Variants in SLCO5A1 observed in about 807,000 individuals in gnomAD.
The protein encoded by SLCO5A1 is solute carrier organic anion transporter family member 5A1.
SLCO5A1 carries 39 observed loss-of-function variants against 65.1 expected under a neutral mutation model. The observed-to-expected ratio is 0.60, with a 90% confidence interval of 0.46 to 0.78. The LOEUF is 0.78. Among genes scored for constraint, SLCO5A1 ranks in the 30% least tolerant of loss-of-function variants. SLCO5A1 has a pLI of 0.00. For synonymous variants in SLCO5A1, 438 were observed against 415.7 expected (o/e 1.05, Z -0.65); for missense variants, 1,029 against 1,069.4 (o/e 0.96, Z 0.53).
At position 69,670,580 on chromosome 8, in the gene SLCO5A1, G is replaced by T. The variant is rs1813302053; in HGVS notation, c.*2289C>A. On this transcript the variant is annotated 3_prime_UTR_variant, in exon 10 of 10. Coordinates refer to ENST00000260126, the MANE Select transcript of SLCO5A1 (RefSeq NM_030958.3). Reference sequence around the variant, plus strand: ...TTCAGGCCCATTTCTTTGAGTTCTGGCCCAATCATCCCAAAGGATTTTATG... The same window carrying T: ...TTCAGGCCCATTTCTTTGAGTTCTGTCCCAATCATCCCAAAGGATTTTATG... The T allele has an allele frequency of 6.6e-6, 1 of 152,150 alleles. No homozygotes were observed. The highest frequency in any genetic ancestry group is 1.5e-5 in the Non-Finnish European group (1 of 68,046). The allele number at this position is 152,150 out of a possible 1,614,324, so 9.4% of individuals were successfully genotyped here. A position where few individuals can be genotyped will look rare whatever the true frequency, so the allele number is the denominator to read the frequency against.
intron 5 of SLCO5A1, among the ~76,000 whole-genome samples, chr8:69,712,733 C>T (rs1287186313): frequency 2.0e-5 from 3 of 152,166 alleles, no homozygotes; most frequent in African/African-American, 7.2e-5. Flanking sequence ...TCTATATTTT[C>T]AGTATCCTCC....
intron 2 of SLCO5A1, among the ~76,000 whole-genome samples, chr8:69,826,059 G>A (rs1820896015): frequency 6.6e-6 from 1 of 152,200 alleles, no homozygotes; most frequent in African/African-American, 2.4e-5. Context: ...AATGGTGCTG[G>A]GAAAACTGGC....
intron 5 of SLCO5A1, among the ~76,000 whole-genome samples, chr8:69,735,803 C>T (rs757695223): frequency 8.1e-4 from 124 of 152,260 alleles, no homozygotes; most frequent in Non-Finnish European, 1.6e-3. Flanking sequence ...GCACATACTG[C>T]ACATGTATCC....
At chr8:69,701,814 T>C (rs1365781766) in intron 6 of SLCO5A1, among the ~76,000 whole-genome samples, 1 of 152,228 alleles carries the variant, frequency 6.6e-6, no homozygotes, top group Admixed American at 6.5e-5. Flanking sequence ...GCCATAGTCA[T>C]TCATATTTGG....
chr8:69,824,480 C>G (rs1387904672), intron 2 of SLCO5A1, among the ~76,000 whole-genome samples: 2 of 152,172 alleles, frequency 1.3e-5, no homozygotes, highest in African/African-American at 4.8e-5. Flanking sequence ...AAACTACCAT[C>G]AGAGAATACT....
chr8:69,827,812 G>C (rs951258561), intron 2 of SLCO5A1, among the ~76,000 whole-genome samples: 2 of 152,190 alleles, frequency 1.3e-5, no homozygotes, highest in Non-Finnish European at 1.5e-5. Flanking sequence ...TCTCTAATTT[G>C]TACAGAGGTA....
intron 2 of SLCO5A1, among the ~76,000 whole-genome samples, chr8:69,811,150 A>G (rs1167389556): frequency 6.6e-6 from 1 of 152,144 alleles, no homozygotes; most frequent in African/African-American, 2.4e-5. Flanking sequence ...AGTTACTCCC[A>G]TACACAACCA....
At chr8:69,722,075 G>A (rs533515279) in intron 5 of SLCO5A1, among the ~76,000 whole-genome samples, 1 of 152,280 alleles carries the variant, frequency 6.6e-6, no homozygotes, top group African/African-American at 2.4e-5. Flanking sequence ...GGGAGGCTGA[G>A]ACAGGAGAAT....
At chr8:69,694,078 T>G (rs920730417) in intron 6 of SLCO5A1, among the ~76,000 whole-genome samples, 1 of 152,210 alleles carries the variant, frequency 6.6e-6, no homozygotes, top group Admixed American at 6.5e-5. Flanking sequence ...CAGAAAGCCA[T>G]GCAGTATTGA....
intron 2 of SLCO5A1, among the ~76,000 whole-genome samples, chr8:69,780,729 G>T (rs1351385222): frequency 2.0e-5 from 3 of 151,932 alleles, no homozygotes; most frequent in Non-Finnish European, 4.4e-5. Flanking sequence ...TACCCTAAAA[G>T]GCCTAATTTC....
At chr8:69,772,733 C>T (rs746473277) in intron 2 of SLCO5A1, among the ~76,000 whole-genome samples, 25 of 151,948 alleles carry the variant, frequency 1.6e-4, no homozygotes, top group Non-Finnish European at 3.2e-4. Context: ...AACTGAGGGG[C>T]CCAATCAAAA....
chr8:69,820,296 C>T (rs973443470), intron 2 of SLCO5A1, among the ~76,000 whole-genome samples: 3 of 152,174 alleles, frequency 2.0e-5, no homozygotes, highest in African/African-American at 7.2e-5. Context: ...AGGAAGAGCC[C>T]AGGGACCTGG....
Position 69,800,708 on chromosome 8 carries a change from C to T in SLCO5A1, c.907+31059G>A, listed in dbSNP as rs150299602. ...TTTATAATCACGAAGGTTTATTCCT[C>T]GGTCACAATTCATAATCCATTCAAG... On this transcript the variant is annotated intron_variant, in intron 2 of 9. Transcript: ENST00000260126. 7.9e-4 allele frequency among the ~76,000 whole-genome samples: 121 copies of T among 152,310 alleles called. 2 individuals are homozygous for T. In the South Asian group the frequency reaches 0.011, roughly 14 times the overall value.
At chr8:69,784,296 T>C (rs995767855) in intron 2 of SLCO5A1, among the ~76,000 whole-genome samples, 6 of 152,158 alleles carry the variant, frequency 3.9e-5, no homozygotes, top group Non-Finnish European at 7.4e-5. Context: ...TATGCAAAAA[T>C]ACTTAACACC....
chr8:69,705,662 G>T lies in SLCO5A1; in HGVS notation c.1424-433C>A, dbSNP rs118102234. Among the ~76,000 whole-genome samples the T allele has an allele frequency of 9.1e-3, 1,382 of 152,284 alleles. 4 individuals carry two copies. The highest frequency in any genetic ancestry group is 0.016 in the Non-Finnish European group (1,106 of 68,024). On this transcript the variant is annotated intron_variant, in intron 5 of 9. Transcript: ENST00000260126. ...CCAATTTGATCATTACACATTCTAT[G>T]CATGTCACAACATTCCACATGTACC... is the stretch of plus-strand genomic sequence containing the variant.
chr8:69,718,888 C>T (rs1256764133), intron 5 of SLCO5A1, among the ~76,000 whole-genome samples: 1 of 151,892 alleles, frequency 6.6e-6, no homozygotes. Context: ...AAATGCTCAG[C>T]GGAGAAAGGA....
At chr8:69,821,396 GGAAGAGGATAAA>G (rs1820633757) in intron 2 of SLCO5A1, among the ~76,000 whole-genome samples, 1 of 145,346 alleles carries the variant, frequency 6.9e-6, no homozygotes, top group South Asian at 2.2e-4. Flanking sequence ...AAGAAGAACA[GGAAGAGGATAAA>G]GAAGAGGAAG....
chr8:69,808,687 A>G (rs1820109910), intron 2 of SLCO5A1, among the ~76,000 whole-genome samples: 1 of 152,182 alleles, frequency 6.6e-6, no homozygotes, highest in African/African-American at 2.4e-5. Context: ...TATACCCAGT[A>G]ATGAGATTGC....
At chr8:69,694,242 C>T (rs1285087348) in intron 6 of SLCO5A1, among the ~76,000 whole-genome samples, 2 of 152,198 alleles carry the variant, frequency 1.3e-5, no homozygotes. Context: ...TCTGATTCAG[C>T]TCCACTCCTT....
Sources: allele counts gnomAD v4.1 joint callset (sites outside exome capture counted in the v4.1 genomes callset), GRCh38; gene constraint gnomAD v4.1.1; transcripts MANE v1.5; gene names NCBI Gene and HGNC (gene_info 2026-07-23, HGNC 2026-07-21).